Variants in DLG4 observed in about 807,000 individuals in gnomAD.
DLG4 encodes discs large MAGUK scaffold protein 4.
DLG4 carries 7 observed loss-of-function variants against 93.8 expected under a neutral mutation model. The ratio of observed to expected loss-of-function variants is 0.07; its 90% CI spans 0.04 to 0.14. The LOEUF (loss-of-function observed/expected upper bound fraction) is 0.14. Ranked by LOEUF, DLG4 falls within the 10% of genes least tolerant of loss-of-function variation. The pLI is 1.00. For missense variants in DLG4, 545 were observed against 992.9 expected (o/e 0.55, Z 6.06); for synonymous variants, 341 against 387.6 (o/e 0.88, Z 1.41).
In DLG4 at chr17:7,193,862, A is replaced by T. The variant is rs1162993089; in HGVS notation, c.1525T>A (p.Ser509Thr). Reference sequence around the variant, plus strand: ...TACCTACCCTGCGATCCAGAGCTGGAGCCCCAGTCCTAAGAAGAAAAAGCA... The same window carrying T: ...TACCTACCCTGCGATCCAGAGCTGGTGCCCCAGTCCTAAGAAGAAAAAGCA... ...WSRLKAKDWG[S>T]SSGSQGREDS... The change falls in exon 14 of 20, where the codon TCC (serine) becomes ACC (threonine). Residue 509 changes from serine to threonine, a missense_variant. Coordinates refer to ENST00000399506, the MANE Select transcript of DLG4 (RefSeq NM_001321075.3). This position sits in a 1 kb window ranked among gnomAD's most constrained non-coding sequence, Gnocchi z 6.7. 2 of 1,612,786 alleles carry T rather than the reference A, an allele frequency of 1.2e-6. No homozygotes were observed. The highest frequency in any genetic ancestry group is 1.7e-5 in the Admixed American group (1 of 59,816).
intron 2 of DLG4, chr17:7,205,239 C>T: frequency 1.1e-6 from 1 of 905,374 alleles, no homozygotes. Context: ...CTCCCTCCCC[C>T]CACTTCATTC....
chr17:7,202,382 T>C (rs1468060594), intron 8 of DLG4, among the ~76,000 whole-genome samples: 3 of 152,222 alleles, frequency 2.0e-5, no homozygotes, highest in East Asian at 1.9e-4. Context: ...CGTTTTAATA[T>C]ATGAATCATA....
intron 2 of DLG4, among the ~76,000 whole-genome samples, chr17:7,206,666 T>C (rs2070478603): frequency 6.6e-6 from 1 of 152,174 alleles, no homozygotes. Context: ...CTTCCTTTCC[T>C]TGCTCTGTCA....
intron 1 of DLG4, among the ~76,000 whole-genome samples, chr17:7,209,931 A>T (rs147919303): frequency 2.6e-5 from 4 of 152,204 alleles, no homozygotes; most frequent in Non-Finnish European, 5.9e-5. Flanking sequence ...AATCCTAGCT[A>T]CATGGGAGGC....
rs1389837875 is a variant in DLG4 at position 7,197,014 on chromosome 17, T to C, written c.826A>G (p.Ser276Gly). ...QHLDNEISHS[S>G]YLGTDYPTAM... ...GTGGGGTAGTCGGTGCCCAGGTAGC[T>C]GCTGTGACTGATCTCATTGTCCAGG... The change falls in exon 9 of 20, where the codon AGC (serine) becomes GGC (glycine). Residue 276 changes from serine to glycine, a missense_variant. Ser to Gly is a moderately conservative substitution (Grantham distance 56). Coordinates refer to ENST00000399506, the MANE Select transcript of DLG4 (RefSeq NM_001321075.3). 2.5e-6 allele frequency: 4 copies of C among 1,613,216 alleles called. No individual in the cohort carries two copies. The Admixed American group carries it at 6.7e-5, about 27-fold the overall frequency.
chr17:7,191,556 G>C lies in DLG4; in HGVS notation c.1977-198C>G, dbSNP rs1382925870. On this transcript the variant is annotated intron_variant, in intron 18 of 19. Transcript: ENST00000399506. This position sits in a 1 kb window ranked among gnomAD's most constrained non-coding sequence, Gnocchi z 6.6. ...CCACCCGCAACCGCCCCAGCCAGGT[G>C]TGGCTACTCCAGGGACATCTACGGA... 22 of 615,140 alleles carry C rather than the reference G, an allele frequency of 3.6e-5. No individual in the cohort carries two copies. The highest frequency in any genetic ancestry group is 5.2e-5 in the Non-Finnish European group (18 of 346,096). 38.1% of individuals were successfully genotyped at this position (615,140 alleles called of 1,614,324 possible).
Position 7,190,812 on chromosome 17 carries a change from T to C in DLG4, c.2071A>G (p.Ile691Val), listed in dbSNP as rs985891095. The stretch of plus-strand genomic sequence containing the variant: ...TCCTCAAAGCTGTCACCCTCCACGA[T>C]GGCTGGGAGTGGGGTGGAGCAGGGA... Reference protein sequence around the residue: ...EQEFTECFSAIVEGDSFEEIY... With the variant: ...EQEFTECFSAVVEGDSFEEIY... The change falls in exon 20 of 20, where the codon ATC (isoleucine) becomes GTC (valine). Residue 691 changes from isoleucine (I) to valine (V), a missense_variant and splice_region_variant. By Grantham distance (29) the Ile-to-Val change is conservative. Around this residue, in one of 5 missense-constraint regions of DLG4, gnomAD observed 428 missense variants for 741.4 expected, o/e 0.58. Coordinates refer to ENST00000399506, the MANE Select transcript of DLG4 (RefSeq NM_001321075.3). The C allele has an allele frequency of 3.7e-6, 6 of 1,612,794 alleles. No homozygotes were observed. In the African/African-American group the frequency reaches 6.7e-5, roughly 18 times the overall value.
chr17:7,213,138 C>T (rs2070776797), intron 1 of DLG4, among the ~76,000 whole-genome samples: 1 of 119,840 alleles, frequency 8.3e-6, no homozygotes, highest in South Asian at 2.7e-4. Context: ...CGCTCTGTTG[C>T]TCATGCTGGA....
At chr17:7,214,091 G>A (rs2070809759) in intron 1 of DLG4, among the ~76,000 whole-genome samples, 1 of 152,096 alleles carries the variant, frequency 6.6e-6, no homozygotes, top group South Asian at 2.1e-4. Context: ...GGACTTTGCC[G>A]TCGCCTAGCA....
rs1156926491 is a variant in DLG4 at position 7,188,921 on chromosome 17, G to A, written c.*1787C>T. 6.6e-6 allele frequency among the ~76,000 whole-genome samples: 1 copy of A among 152,028 alleles called. No homozygotes were observed. Among genetic ancestry groups the A allele is most frequent in the African/African-American group, 2.4e-5 (1 of 41,402 alleles). On this transcript the variant is annotated 3_prime_UTR_variant, in exon 20 of 20. Transcript: ENST00000399506. ...GAGGTCAGGAGTTCGAGACCAGCCT[G>A]GCCAACAAAGCAAAACCCCATCTCT...
rs1368544260 is a variant in DLG4 at position 7,204,271 on chromosome 17, G to A, written c.97-19C>T. ...AATTGGCCTGTTTGGGAAAACAAGA[G>A]ACAAAAAGCAGCCTGAGCCTTGACT... On this transcript the variant is annotated intron_variant, in intron 2 of 19. Transcript: ENST00000399506. 1 of 1,568,296 alleles carries A rather than the reference G, an allele frequency of 6.4e-7. No individual in the cohort carries two copies. The highest frequency in any genetic ancestry group is 1.2e-5 in the South Asian group (1 of 84,416).
chr17:7,208,326 G>C lies in DLG4; in HGVS notation c.31-87C>G. ...GCCCTGGCCGCCGCCTCTTCCCCCA[G>C]CCAGTGCAGTGCGGAAGGCCCTGGG... On this transcript the variant is annotated intron_variant, in intron 1 of 19. Transcript: ENST00000399506. This position sits in a 1 kb window ranked among gnomAD's most constrained non-coding sequence, Gnocchi z 5.4. 8.3e-7 allele frequency: 1 copy of C among 1,208,744 alleles called. No individual in the cohort carries two copies. Among genetic ancestry groups the C allele is most frequent in the Non-Finnish European group, 1.1e-6 (1 of 936,634 alleles). 74.9% of individuals were successfully genotyped at this position (1,208,744 alleles called of 1,614,324 possible). A position where few individuals can be genotyped will look rare whatever the true frequency, so the allele number is the denominator to read the frequency against.
At chr17:7,218,953 C>T (rs908055482), upstream of DLG4, 32 of 1,270,686 alleles carry the variant, frequency 2.5e-5, no homozygotes, top group Non-Finnish European at 3.4e-5. Context: ...GTCTCTGAGC[C>T]GACCAGCTGT....
chr17:7,208,263 A>C lies in DLG4; in HGVS notation c.31-24T>G, dbSNP rs986594587. 1 of 1,311,134 alleles carries C rather than the reference A, an allele frequency of 7.6e-7. No individual in the cohort carries two copies. Among genetic ancestry groups the C allele is most frequent in the African/African-American group, 1.5e-5 (1 of 66,246 alleles). The allele number at this position is 1,311,134 out of a possible 1,614,324, so 81.2% of individuals were successfully genotyped here. A position where few individuals can be genotyped will look rare whatever the true frequency, so the allele number is the denominator to read the frequency against. ...TTCTGGGGATGGGGACGGAGGTGTC[A>C]CTGGGGCCAGCCCGGTGCCTCAGGC... On this transcript the variant is annotated intron_variant, in intron 1 of 19. Coordinates refer to ENST00000399506, the MANE Select transcript of DLG4 (RefSeq NM_001321075.3). This position sits in a 1 kb window ranked among gnomAD's most constrained non-coding sequence, Gnocchi z 5.4.
At position 7,189,457 on chromosome 17, in the gene DLG4, C is replaced by T. The variant is rs1159404568; in HGVS notation, c.*1251G>A. On this transcript the variant is annotated 3_prime_UTR_variant, in exon 20 of 20. Transcript: ENST00000399506. ...TGAGCCGAGATCGAGCCACTGCACT[C>T]CAGCCTGTGCGACAGAGCAAGACTC... Among the ~76,000 whole-genome samples the T allele has an allele frequency of 1.3e-5, 2 of 151,882 alleles. No homozygotes were observed. Among genetic ancestry groups the T allele is most frequent in the Non-Finnish European group, 2.9e-5 (2 of 67,938 alleles).
intron 17 of DLG4, chr17:7,192,361 C>A: frequency 2.4e-5 from 6 of 247,634 alleles, no homozygotes; most frequent in Non-Finnish European, 1.5e-5. Flanking sequence ...GAAGGAAAGC[C>A]AAGAAAAAGG....
At chr17:7,204,928 A>G in intron 2 of DLG4, 3 of 984,852 alleles carry the variant, frequency 3.0e-6, no homozygotes, top group Non-Finnish European at 3.6e-6. Context: ...GGACCAGTCA[A>G]GACCCGGGGA....
At chr17:7,219,607 C>T, upstream of DLG4, 1 of 1,179,510 alleles carries the variant, frequency 8.5e-7, no homozygotes, top group Non-Finnish European at 1.1e-6. Context: ...TTCTCTTTCC[C>T]TACTTTTCCC....
chr17:7,218,224 C>G (rs759500299), upstream of DLG4: 2 of 1,603,982 alleles, frequency 1.2e-6, no homozygotes, highest in East Asian at 2.2e-5. Flanking sequence ...GTTAGGCGCT[C>G]GCCCCCACCT....
Sources: gnomAD v4.1 joint callset for allele counts (sites outside exome capture counted in the v4.1 genomes callset) on GRCh38, gnomAD v4.1.1 for gene constraint, gnomAD v4.1.1 regional missense constraint, Gnocchi (gnomAD v3.1) non-coding constraint, MANE v1.5 for transcripts, NCBI Gene and HGNC (gene_info 2026-07-23, HGNC 2026-07-21) for gene names.